Variants in ADD2 observed in about 807,000 individuals in gnomAD.
ADD2 encodes the protein adducin 2.
In ADD2, 23 loss-of-function variants were observed where a neutral mutation model predicts 83.0. The ratio of observed to expected loss-of-function variants is 0.28; its 90% confidence interval spans 0.20 to 0.39. ADD2 has a LOEUF of 0.39. Ranked by LOEUF, ADD2 falls within the 10% of genes least tolerant of loss-of-function variation. The pLI is 1.00. For missense variants in ADD2, 758 were observed against 944.9 expected (o/e 0.80, Z 2.59); for synonymous variants, 375 against 375.4 (o/e 1.00, Z 0.01).
intron 1 of ADD2, among the ~76,000 whole-genome samples, chr2:70,731,322 A>G (rs1673270823): frequency 6.6e-6 from 1 of 152,206 alleles, no homozygotes; most frequent in African/African-American, 2.4e-5. Context: ...CTACTGTCTC[A>G]GGATTGCTTC....
chr2:70,688,493 A>G (rs1670857002), intron 8 of ADD2, among the ~76,000 whole-genome samples: 1 of 152,242 alleles, frequency 6.6e-6, no homozygotes, highest in Admixed American at 6.5e-5. Flanking sequence ...GAAAGCTTAG[A>G]AGCTTGAAAA....
chr2:70,710,366 T>C (rs577289751), intron 2 of ADD2, among the ~76,000 whole-genome samples: 5 of 152,352 alleles, frequency 3.3e-5, no homozygotes, highest in Non-Finnish European at 5.9e-5. Flanking sequence ...GGCTGTGAAG[T>C]AGCTCTGCCC....
chr2:70,683,840 T>C, intron 9 of ADD2, 73 bp from the exon 10 acceptor site: 1 of 1,497,488 alleles, frequency 6.7e-7, no homozygotes, highest in Non-Finnish European at 9.0e-7. Context: ...CTCCTGTATG[T>C]GATGAGAGAA....
chr2:70,746,648 C>A (rs58537448), intron 1 of ADD2, among the ~76,000 whole-genome samples: 1 of 152,064 alleles, frequency 6.6e-6, no homozygotes. Flanking sequence ...AACACTGGGC[C>A]GGGAGGGAAA....
intron 1 of ADD2, among the ~76,000 whole-genome samples, chr2:70,761,334 C>T (rs1292515066): frequency 6.6e-6 from 1 of 151,230 alleles, no homozygotes; most frequent in Non-Finnish European, 1.5e-5. Flanking sequence ...TAAAGCTGGG[C>T]ACAGTGGCTT....
chr2:70,760,049 C>T (rs1553384575), intron 1 of ADD2, among the ~76,000 whole-genome samples: 6 of 152,208 alleles, frequency 3.9e-5, no homozygotes, highest in Non-Finnish European at 2.9e-5. Flanking sequence ...TGGCTGGCAC[C>T]ATCTGTACTC....
intron 1 of ADD2, among the ~76,000 whole-genome samples, chr2:70,759,546 G>A (rs1674975490): frequency 6.6e-6 from 1 of 152,074 alleles, no homozygotes; most frequent in African/African-American, 2.4e-5. Context: ...CTCATGAATG[G>A]CTTGGAGCCA....
intron 6 of ADD2, among the ~76,000 whole-genome samples, chr2:70,694,726 C>T (rs1483564555): frequency 6.6e-6 from 1 of 152,196 alleles, no homozygotes; most frequent in South Asian, 2.1e-4. Flanking sequence ...AGCTAGACGC[C>T]TCCTCCCTCA....
intron 1 of ADD2, 73 bp downstream of exon 1, chr2:70,767,813 G>A: frequency 1.3e-6 from 2 of 1,523,826 alleles, no homozygotes; most frequent in South Asian, 1.2e-5. Context: ...CCCGGCCGAG[G>A]GATGCCAGGG....
chr2:70,692,693 G>A (rs369796124), intron 6 of ADD2, 141 bp from the exon 7 acceptor site: 1 of 913,778 alleles, frequency 1.1e-6, no homozygotes, highest in African/African-American at 1.7e-5. Flanking sequence ...ACTTGGTGTT[G>A]GAAGAAAACA....
intron 15 of ADD2, among the ~76,000 whole-genome samples, chr2:70,668,692 T>C (rs1669780227): frequency 6.6e-6 from 1 of 152,184 alleles, no homozygotes; most frequent in African/African-American, 2.4e-5. Context: ...TCTGTGGCCG[T>C]GCACTGGGGT....
intron 7 of ADD2, among the ~76,000 whole-genome samples, chr2:70,691,134 C>T (rs1394088694): frequency 6.6e-6 from 1 of 152,190 alleles, no homozygotes; most frequent in Non-Finnish European, 1.5e-5. Flanking sequence ...TAGTGTCTTT[C>T]CATCACTGTT....
intron 1 of ADD2, among the ~76,000 whole-genome samples, chr2:70,757,183 C>T (rs782537197): frequency 3.3e-5 from 5 of 151,978 alleles, no homozygotes; most frequent in Non-Finnish European, 7.4e-5. Context: ...ACAGTTGATA[C>T]ATTCAGAAAC....
intron 2 of ADD2, among the ~76,000 whole-genome samples, chr2:70,708,281 T>C (rs1250776272): frequency 6.6e-6 from 1 of 152,214 alleles, no homozygotes; most frequent in Non-Finnish European, 1.5e-5. Flanking sequence ...ACAGAGTTCC[T>C]CAAGGGTCAG....
chr2:70,717,252 C>T (rs1440421977), intron 1 of ADD2, among the ~76,000 whole-genome samples: 4 of 152,186 alleles, frequency 2.6e-5, no homozygotes, highest in Non-Finnish European at 5.9e-5. Context: ...ATCTTCTTCC[C>T]TGTCCCACTG....
chr2:70,763,979 CA>C (rs1675251876), intron 1 of ADD2, among the ~76,000 whole-genome samples: 1 of 150,560 alleles, frequency 6.6e-6, no homozygotes, highest in South Asian at 2.1e-4. Flanking sequence ...CCTCTGCCTC[CA>C]GGATTCAAGT....
In ADD2 at chr2:70,662,239, G is replaced by T. The variant is rs1553365124; in HGVS notation, c.*1186C>A. ...GTTGGCATTTAAAACAATAACTGTG[G>T]CCATTACCAGGCCCCAGGATGGACA... On this transcript the variant is annotated 3_prime_UTR_variant, in exon 16 of 16. Transcript: ENST00000264436. 1 of 152,164 alleles carries T rather than the reference G, an allele frequency of 6.6e-6. No homozygotes were observed. The highest frequency in any genetic ancestry group is 1.5e-5 in the Non-Finnish European group (1 of 68,032). 9.4% of individuals were successfully genotyped at this position (152,164 alleles called of 1,614,324 possible). A position where few individuals can be genotyped will look rare whatever the true frequency, so the allele number is the denominator to read the frequency against.
chr2:70,686,582 G>C (rs910033377), intron 9 of ADD2, among the ~76,000 whole-genome samples: 2 of 152,160 alleles, frequency 1.3e-5, no homozygotes, highest in Non-Finnish European at 2.9e-5. Context: ...GTTTTTACAG[G>C]AGATATTTTC....
intron 1 of ADD2, among the ~76,000 whole-genome samples, chr2:70,761,147 C>G (rs1675064380): frequency 6.6e-6 from 1 of 151,400 alleles, no homozygotes; most frequent in African/African-American, 2.4e-5. Context: ...CTATGTAACT[C>G]TCAGTCTAGA....
Sources: gnomAD v4.1 joint callset for allele counts (sites outside exome capture counted in the v4.1 genomes callset) on GRCh38, gnomAD v4.1.1 for gene constraint, MANE v1.5 for transcripts, NCBI Gene and HGNC (gene_info 2026-07-23, HGNC 2026-07-21) for gene names.